Variants in IPO8 observed in about 807,000 individuals in gnomAD.
IPO8 encodes the protein importin 8.
IPO8 carries 65 observed loss-of-function variants against 141.2 expected under a neutral mutation model. The observed-to-expected ratio is 0.46, with a 90% CI of 0.38 to 0.57. The LOEUF (loss-of-function observed/expected upper bound fraction) is 0.57. Ranked by LOEUF, IPO8 falls within the 20% of genes least tolerant of loss-of-function variation. IPO8 has a pLI of 0.00. For missense variants in IPO8, 980 were observed against 1,246.8 expected (o/e 0.79, Z 3.22); for synonymous variants, 411 against 420.3 (o/e 0.98, Z 0.27).
chr12:30,683,980 A>AG (rs1323374789), intron 3 of IPO8, among the ~76,000 whole-genome samples: 1 of 152,212 alleles, frequency 6.6e-6, no homozygotes, highest in Non-Finnish European at 1.5e-5. Context: ...TAGTAAAAAA[A>AG]CTCAAGAGAT....
At chr12:30,641,168 C>A (rs1408493030) in intron 20 of IPO8, among the ~76,000 whole-genome samples, 1 of 152,178 alleles carries the variant, frequency 6.6e-6, no homozygotes. Flanking sequence ...GAGCACTGTG[C>A]AGCTGCAGAA....
chr12:30,675,480 TA>T (rs1258202739), intron 6 of IPO8, among the ~76,000 whole-genome samples: 1 of 152,038 alleles, frequency 6.6e-6, no homozygotes, highest in African/African-American at 2.4e-5. Flanking sequence ...TCTTAAGAGT[TA>T]AAACACTAAA....
At chr12:30,665,501 A>G (rs1325980205) in intron 12 of IPO8, among the ~76,000 whole-genome samples, 192 bp from the exon 13 acceptor site, 1 of 152,238 alleles carries the variant, frequency 6.6e-6, no homozygotes, top group Admixed American at 6.5e-5. Flanking sequence ...GATTTTGTAG[A>G]CATAAGATAC....
intron 19 of IPO8, among the ~76,000 whole-genome samples, chr12:30,651,804 T>C (rs1276677226): frequency 2.0e-5 from 3 of 152,074 alleles, no homozygotes; most frequent in Non-Finnish European, 4.4e-5. Flanking sequence ...TTTTATCTTA[T>C]GTTGTTTATG....
At chr12:30,647,746 C>G (rs572097960) in intron 20 of IPO8, among the ~76,000 whole-genome samples, 3 of 151,636 alleles carry the variant, frequency 2.0e-5, no homozygotes, top group African/African-American at 7.3e-5. Context: ...AAATGATACC[C>G]GATAACAGGC....
In IPO8 at chr12:30,694,674, T is replaced by C. The variant is rs551659501; in HGVS notation, c.84+890A>G. 1.4e-3 allele frequency among the ~76,000 whole-genome samples: 212 copies of C among 152,336 alleles called. 1 individual carries two copies. The highest frequency in any genetic ancestry group is 1.9e-3 in the Non-Finnish European group (129 of 68,026). ...CAGGTGATGCTGAAGCTCCAGGTCCTGGGCAACGCTTTGAGAACAGCTGAT... is the reference window on the plus strand; with the variant it reads ...CAGGTGATGCTGAAGCTCCAGGTCCCGGGCAACGCTTTGAGAACAGCTGAT... On this transcript the variant is annotated intron_variant, in intron 1 of 24. Transcript: ENST00000256079.
chr12:30,642,211 A>G (rs2052584160), intron 20 of IPO8, among the ~76,000 whole-genome samples: 2 of 152,042 alleles, frequency 1.3e-5, no homozygotes, highest in Non-Finnish European at 2.9e-5. Context: ...TCAAAAAAAC[A>G]GAAAAAAAAA....
intron 13 of IPO8, among the ~76,000 whole-genome samples, chr12:30,664,785 G>C (rs888889978): frequency 1.3e-5 from 2 of 152,070 alleles, no homozygotes; most frequent in Non-Finnish European, 2.9e-5. Flanking sequence ...TGTTGTCCAG[G>C]CTGGAGTGCA....
chr12:30,657,598 T>G (rs2052818562), intron 16 of IPO8, among the ~76,000 whole-genome samples: 1 of 152,164 alleles, frequency 6.6e-6, no homozygotes, highest in Non-Finnish European at 1.5e-5. Flanking sequence ...CATTCATTCA[T>G]TTCAGCAATG....
chr12:30,683,248 A>G lies in IPO8; in HGVS notation c.323+1053T>C, dbSNP rs555672881. On this transcript the variant is annotated intron_variant, in intron 3 of 24. Transcript: ENST00000256079. ...CCCATGACTGGCATTTGGGCAACCAATAAGAATAATAGTGATTTTTTCTTT... is the reference window on the plus strand; with the variant it reads ...CCCATGACTGGCATTTGGGCAACCAGTAAGAATAATAGTGATTTTTTCTTT... Among the ~76,000 whole-genome samples the G allele has an allele frequency of 4.6e-5, 7 of 152,328 alleles. No individual in the cohort carries two copies. In the South Asian group the frequency reaches 1.2e-3, roughly 27 times the overall value.
intron 22 of IPO8, among the ~76,000 whole-genome samples, chr12:30,635,486 C>T (rs2052489246): frequency 6.6e-6 from 1 of 152,060 alleles, no homozygotes; most frequent in African/African-American, 2.4e-5. Flanking sequence ...AAAATAGCTA[C>T]ATGTCGCTTG....
In IPO8 at chr12:30,669,393, C is replaced by CTG. The variant is rs1186229624; in HGVS notation, c.1045-113_1045-112dup. On this transcript the variant is annotated intron_variant, in intron 9 of 24. Transcript: ENST00000256079. ...CTTTATGATGTTAGTTTTCCAAACT[C>CTG]TGTGTGTGTGTAAAATGTCAAGTCG... 8 of 513,574 alleles carry CTG rather than the reference C, an allele frequency of 1.6e-5. No individual in the cohort carries two copies. In the East Asian group the frequency reaches 2.1e-4, roughly 14 times the overall value. The allele number at this position is 513,574 out of a possible 1,614,324, so 31.8% of individuals were successfully genotyped here.
chr12:30,692,089 CAT>C (rs1240885883), intron 1 of IPO8, among the ~76,000 whole-genome samples: 2 of 152,318 alleles, frequency 1.3e-5, no homozygotes, highest in African/African-American at 2.4e-5. Flanking sequence ...TATTATAACT[CAT>C]GTTTATCTTT....
intron 1 of IPO8, among the ~76,000 whole-genome samples, chr12:30,693,189 C>A (rs925888915): frequency 3.3e-5 from 5 of 152,128 alleles, no homozygotes; most frequent in African/African-American, 1.2e-4. Context: ...AGGTACCTAC[C>A]CATTCCTATT....
intron 20 of IPO8, among the ~76,000 whole-genome samples, chr12:30,644,451 T>C (rs1393676046): frequency 1.3e-5 from 2 of 151,062 alleles, no homozygotes; most frequent in African/African-American, 4.9e-5. Context: ...TTGTCACTAA[T>C]ACCCCAATAA....
At chr12:30,656,594 C>G (rs2052803868) in intron 17 of IPO8, 90 bp downstream of exon 17, 1 of 653,516 alleles carries the variant, frequency 1.5e-6, no homozygotes, top group South Asian at 2.1e-5. Context: ...AATTGTCCAT[C>G]TTGTTAAATC....
Position 30,630,885 on chromosome 12 carries a change from A to T in IPO8, c.3089T>A (p.Phe1030Tyr), listed in dbSNP as rs752522016. ...ENKGVLSAFN[F>Y]GTVPSNN ...TCAGTTGTTGCTGGGCACAGTCCCAAAATTAAATGCGGAGAGGACTCCTTT... is the reference window on the plus strand; with the variant it reads ...TCAGTTGTTGCTGGGCACAGTCCCATAATTAAATGCGGAGAGGACTCCTTT... Residue 1030 changes from phenylalanine to tyrosine, a missense_variant, in exon 25 of 25, where the codon TTT becomes TAT. Physicochemically the swap from Phe to Tyr is conservative, Grantham distance 22. Transcript: ENST00000256079. 5.0e-6 allele frequency: 8 copies of T among 1,613,626 alleles called. No individual in the cohort carries two copies. Among genetic ancestry groups the T allele is most frequent in the Non-Finnish European group, 6.8e-6 (8 of 1,179,900 alleles).
At chr12:30,689,537 C>T (rs1253219867) in intron 2 of IPO8, among the ~76,000 whole-genome samples, 1 of 152,146 alleles carries the variant, frequency 6.6e-6, no homozygotes, top group African/African-American at 2.4e-5. Context: ...AGTGATCTTT[C>T]AGGAAATCAT....
Position 30,656,709 on chromosome 12 carries a change from A to G in IPO8, c.1923T>C (p.Asp641=). 6.4e-7 allele frequency: 1 copy of G among 1,563,392 alleles called. No homozygotes were observed. The highest frequency in any genetic ancestry group is 1.8e-5 in the Admixed American group (1 of 55,788). The change falls in exon 17 of 25, where the codon GAT becomes GAC. Residue 641 remains aspartate, a synonymous_variant. Coordinates refer to ENST00000256079, the MANE Select transcript of IPO8 (RefSeq NM_006390.4). ...CAATTACATGTTTCTGCAGAACAAG[A>G]TCAATGATCCGTAGACAGATATTCT... is the stretch of plus-strand genomic sequence containing the variant. The part of the protein sequence containing the change: ...QLENICLRII[D]LVLQKHVIEF...
Sources: allele counts gnomAD v4.1 joint callset (sites outside exome capture counted in the v4.1 genomes callset), GRCh38; gene constraint gnomAD v4.1.1; transcripts MANE v1.5; gene names NCBI Gene and HGNC (gene_info 2026-07-23, HGNC 2026-07-21).